MARCHF6: variants seen among roughly 807,000 people sequenced by gnomAD.
The protein encoded by MARCHF6 is membrane associated ring-CH-type finger 6, also known as E3 ubiquitin-protein ligase MARCHF6.
MARCHF6 carries 31 observed loss-of-function variants against 133.7 expected under a neutral mutation model. That is an observed-to-expected ratio of 0.23 (90% CI 0.17 to 0.31). The LOEUF (loss-of-function observed/expected upper bound fraction) is 0.31, where lower values mean the gene tolerates loss of function less well. Ranked by LOEUF, MARCHF6 falls within the 10% of genes least tolerant of loss-of-function variation. The probability of loss-of-function intolerance (pLI) is 1.00; values close to 1 mark genes in which losing one functional copy is unlikely to be tolerated. For missense variants in MARCHF6, 723 were observed against 1,121.6 expected (o/e 0.64, Z 5.08); for synonymous variants, 395 against 402.5 (o/e 0.98, Z 0.22).
chr5:10,376,623 C>T (rs1362141727), intron 1 of MARCHF6, among the ~76,000 whole-genome samples: 1 of 152,224 alleles, frequency 6.6e-6, no homozygotes, highest in African/African-American at 2.4e-5. Context: ...ATTCAGCCAT[C>T]TGAGATTGAG....
intron 1 of MARCHF6, among the ~76,000 whole-genome samples, chr5:10,360,329 C>T (rs952089231): frequency 4.0e-5 from 6 of 151,296 alleles, no homozygotes; most frequent in Non-Finnish European, 5.9e-5. Flanking sequence ...TTGTATTTTT[C>T]GTAGAGATGG....
intron 22 of MARCHF6, among the ~76,000 whole-genome samples, chr5:10,419,216 T>C (rs2567578): frequency 0.22 from 33,561 of 152,176 alleles, 5,447 homozygotes; most frequent in East Asian, 0.67. Flanking sequence ...TTTGAGTACT[T>C]CTACAGCTAT....
chr5:10,354,244 G>A (rs1425310793), intron 1 of MARCHF6, among the ~76,000 whole-genome samples: 2 of 152,176 alleles, frequency 1.3e-5, no homozygotes, highest in Non-Finnish European at 2.9e-5. Flanking sequence ...GGCCTCTGTC[G>A]CTGCCGTCCG....
At position 10,375,505 on chromosome 5, in the gene MARCHF6, C is replaced by T. The variant is rs921520097; in HGVS notation, c.20-2293C>T. Among the ~76,000 whole-genome samples the T allele has an allele frequency of 5.3e-5, 8 of 152,380 alleles. 1 individual carries two copies. Among genetic ancestry groups the T allele is most frequent in the Admixed American group, 4.6e-4 (7 of 15,312 alleles). On this transcript the variant is annotated intron_variant, in intron 1 of 25. Coordinates refer to ENST00000274140, the MANE Select transcript of MARCHF6 (RefSeq NM_005885.4). ...GAGCACCACCCTCTGCTCCACGGCG[C>T]CCAGTCCCATCGACCACCCAAGGGC...
At chr5:10,401,444 C>G (rs1738528754) in intron 11 of MARCHF6, 1 of 153,400 alleles carries the variant, frequency 6.5e-6, no homozygotes, top group South Asian at 2.0e-4. Flanking sequence ...TTTAGTACAC[C>G]TCTGATTCTC....
At chr5:10,373,715 TC>T (rs1034192700) in intron 1 of MARCHF6, among the ~76,000 whole-genome samples, 1 of 152,074 alleles carries the variant, frequency 6.6e-6, no homozygotes, top group Admixed American at 6.5e-5. Context: ...ATACCCTACT[TC>T]CTACTTGCAC....
intron 23 of MARCHF6, among the ~76,000 whole-genome samples, chr5:10,425,129 A>G (rs543510295): frequency 1.5e-4 from 23 of 152,360 alleles, no homozygotes; most frequent in Admixed American, 3.3e-4. Flanking sequence ...TAGTTAGCCA[A>G]GCATGCTCAA....
intron 1 of MARCHF6, among the ~76,000 whole-genome samples, chr5:10,367,930 T>A (rs1228848823): frequency 6.6e-6 from 1 of 152,172 alleles, no homozygotes; most frequent in Non-Finnish European, 1.5e-5. Context: ...CTTTGCCATA[T>A]TGTTTCTAAG....
At chr5:10,404,496 TGCCGGACACTA>T (rs1487339605) in intron 15 of MARCHF6, among the ~76,000 whole-genome samples, 3 of 152,208 alleles carry the variant, frequency 2.0e-5, no homozygotes, top group Non-Finnish European at 2.9e-5. Context: ...GGTCACTGTG[TGCCGGACACTA>T]TACTGCATTC....
intron 1 of MARCHF6, among the ~76,000 whole-genome samples, chr5:10,362,512 T>C (rs1735887916): frequency 6.6e-6 from 1 of 152,212 alleles, no homozygotes; most frequent in South Asian, 2.1e-4. Flanking sequence ...ATATTTACCA[T>C]ATTAGAAATG....
chr5:10,388,365 G>A (rs1371558378), intron 5 of MARCHF6, among the ~76,000 whole-genome samples: 1 of 151,732 alleles, frequency 6.6e-6, no homozygotes, highest in Non-Finnish European at 1.5e-5. Context: ...TTTTTTTTCT[G>A]TGAAATTTTA....
intron 11 of MARCHF6, 47 bp from the exon 12 acceptor site, chr5:10,402,012 G>T: frequency 4.5e-6 from 5 of 1,123,086 alleles, no homozygotes; most frequent in African/African-American, 1.5e-5. Context: ...CCGGGGTGTA[G>T]AACATGTTGT....
chr5:10,406,570 A>G (rs1738906269), intron 16 of MARCHF6, among the ~76,000 whole-genome samples: 1 of 151,958 alleles, frequency 6.6e-6, no homozygotes, highest in East Asian at 1.9e-4. Flanking sequence ...TTGTATTTTT[A>G]GTAGATGCGG....
Position 10,394,643 on chromosome 5 carries a change from G to A in MARCHF6, c.829-110G>A, listed in dbSNP as rs1214907661. On this transcript the variant is annotated intron_variant, in intron 8 of 25. Coordinates refer to ENST00000274140, the MANE Select transcript of MARCHF6 (RefSeq NM_005885.4). ...GAAGTATTGGAAAGTATAGGAAGTG[G>A]GTGAGGACTGTGTTTAAAGATATTG... is the stretch of plus-strand genomic sequence containing the variant. 13 of 771,840 alleles carry A rather than the reference G, an allele frequency of 1.7e-5. No individual in the cohort carries two copies. The Admixed American group carries it at 3.4e-4, about 20-fold the overall frequency. 47.8% of individuals were successfully genotyped at this position (771,840 alleles called of 1,614,324 possible).
At position 10,426,497 on chromosome 5, in the gene MARCHF6, A is replaced by T. The variant is rs1339587054; in HGVS notation, c.2481A>T (p.Ile827=). 1 of 1,614,076 alleles carries T rather than the reference A, an allele frequency of 6.2e-7. No individual in the cohort carries two copies. The change falls in exon 24 of 26, where the codon ATA becomes ATT. Residue 827 remains isoleucine, a synonymous_variant. Transcript: ENST00000274140. The part of the protein sequence containing the change: ...LLLSLCVPYV[I]ASGVVPLLGV... ...TTTCCCTGTGTGTACCTTATGTCAT[A>T]GCTTCTGGTGTTGTTCCTTTACTAG... is the stretch of plus-strand genomic sequence containing the variant.
chr5:10,426,617 G>A (rs1740101295), intron 24 of MARCHF6, 95 bp downstream of exon 24: 2 of 1,297,704 alleles, frequency 1.5e-6, no homozygotes, highest in Non-Finnish European at 2.1e-6. Flanking sequence ...CACTCCATAT[G>A]CTTTATTTGT....
chr5:10,411,576 T>C, intron 19 of MARCHF6, 39 bp downstream of exon 19: 2 of 1,533,686 alleles, frequency 1.3e-6, no homozygotes, highest in Non-Finnish European at 1.8e-6. Flanking sequence ...TAGAGGTTTT[T>C]TTGGTTTTTT....
chr5:10,397,476 A>C, intron 10 of MARCHF6, 132 bp downstream of exon 10: 8 of 643,430 alleles, frequency 1.2e-5, no homozygotes, highest in Non-Finnish European at 2.0e-5. Flanking sequence ...AAATAGTTTC[A>C]GATACAAACC....
At chr5:10,423,675 T>C in intron 22 of MARCHF6, 60 bp from the exon 23 acceptor site, 1 of 1,106,160 alleles carries the variant, frequency 9.0e-7, no homozygotes, top group Non-Finnish European at 1.4e-6. Context: ...ATACAGCCTC[T>C]CTGCTGTGTT....
Sources: allele counts gnomAD v4.1 joint callset (sites outside exome capture counted in the v4.1 genomes callset), GRCh38; gene constraint gnomAD v4.1.1; transcripts MANE v1.5; gene names NCBI Gene and HGNC (gene_info 2026-07-23, HGNC 2026-07-21).